The following NCOR2 variants were observed in gnomAD, a reference collection of about 807,000 sequenced individuals.
NCOR2 encodes CTG repeat protein 26.
A neutral mutation model predicts 262.9 loss-of-function variants in NCOR2; 81 were observed. The observed-to-expected ratio is 0.31, with a 90% confidence interval of 0.26 to 0.37. The LOEUF (loss-of-function observed/expected upper bound fraction) is 0.37, where lower values mean the gene tolerates loss of function less well. Ranked by LOEUF, NCOR2 falls within the 10% of genes least tolerant of loss-of-function variation. The pLI is 1.00. For missense variants in NCOR2, 3,385 were observed against 3,621.4 expected, an observed-to-expected ratio of 0.93 and a Z score of 1.68; for synonymous variants, 1,659 against 1,559.3, an observed-to-expected ratio of 1.06 and a Z score of -1.51.
chr12:124,453,260 G>A (rs369245529), intron 6 of NCOR2, among the ~76,000 whole-genome samples: 200 of 152,318 alleles, frequency 1.3e-3, no homozygotes, highest in African/African-American at 4.6e-3. Flanking sequence ...CACACAGGCT[G>A]GGGGGCATGG....
intron 21 of NCOR2, among the ~76,000 whole-genome samples, chr12:124,363,007 G>A (rs1853909984): frequency 6.6e-6 from 1 of 152,252 alleles, no homozygotes; most frequent in Non-Finnish European, 1.5e-5. Flanking sequence ...CCTGGTGGTG[G>A]ACAGGAGGCT....
chr12:124,401,210 CA>C (rs34583413), intron 14 of NCOR2, among the ~76,000 whole-genome samples: 255 of 133,100 alleles, frequency 1.9e-3, no homozygotes, highest in East Asian at 7.7e-3. Flanking sequence ...GACCCTGTCT[CA>C]AAAAAAAAAA....
intron 1 of NCOR2, among the ~76,000 whole-genome samples, chr12:124,551,577 T>C (rs1458162853): frequency 6.6e-6 from 1 of 152,206 alleles, no homozygotes. Flanking sequence ...TCGGCCGGCC[T>C]GGTCTCCCTC....
intron 6 of NCOR2, among the ~76,000 whole-genome samples, chr12:124,455,268 A>G (rs2045779903): frequency 6.6e-6 from 1 of 152,242 alleles, no homozygotes; most frequent in Non-Finnish European, 1.5e-5. Flanking sequence ...TTACAAAACA[A>G]AAAAACAAGC....
intron 41 of NCOR2, among the ~76,000 whole-genome samples, chr12:124,333,877 CGG>C (rs2035527667): frequency 1.1e-4 from 2 of 17,974 alleles, no homozygotes; most frequent in Non-Finnish European, 3.2e-4. Flanking sequence ...CGCATGTGTG[CGG>C]GTGTGCATGT....
Position 124,428,043 on chromosome 12 carries a change from C to CTGTGTG in NCOR2, c.1150-1244_1150-1243insCACACA, listed in dbSNP as rs1491282996. Among the ~76,000 whole-genome samples the CTGTGTG allele has an allele frequency of 3.8e-3, 154 of 41,064 alleles. 1 individual carries two copies. Among genetic ancestry groups the CTGTGTG allele is most frequent in the South Asian group, 7.7e-3 (9 of 1,174 alleles). The allele number at this position is 41,064 out of a possible 152,430, so 26.9% of individuals were successfully genotyped here. ...TCTGATGACTGCATTCCCATGTGGCCAGTGTGTGTGTGTGTGTGTGTGTGT... is the reference window on the plus strand; with the variant it reads ...TCTGATGACTGCATTCCCATGTGGCCTGTGTGAGTGTGTGTGTGTGTGTGTGTGTGT... On this transcript the variant is annotated intron_variant, in intron 10 of 46. Coordinates refer to ENST00000405201, the Ensembl canonical transcript of NCOR2.
chr12:124,501,062 G>GCA (rs3040848), intron 1 of NCOR2, among the ~76,000 whole-genome samples: 5,458 of 147,510 alleles, frequency 0.037, 103 homozygotes, highest in Non-Finnish European at 0.043. Flanking sequence ...GCGCACGCGC[G>GCA]CACACACACA....
chr12:124,371,092 G>A (rs1424561742), intron 20 of NCOR2, among the ~76,000 whole-genome samples: 3 of 152,182 alleles, frequency 2.0e-5, no homozygotes, highest in Non-Finnish European at 4.4e-5. Context: ...ATGGTTTCAT[G>A]GGTAAATCAC....
chr12:124,385,788 C>T lies in NCOR2; in HGVS notation c.1976G>A (p.Arg659Lys), dbSNP rs748505338. Residue 659 changes from arginine to lysine, a missense_variant, in exon 17 of 47, where the codon AGG (arginine) becomes AAG (lysine). Arg to Lys is a conservative substitution (Grantham distance 26, BLOSUM62 2). Coordinates refer to ENST00000405201, the Ensembl canonical transcript of NCOR2. Reference sequence around the variant, plus strand: ...CTGCAAGATCTCATCGAGGTTCTGCCTCTTCTTGTAGTTGAAGTAGAAGTT... The same window carrying T: ...CTGCAAGATCTCATCGAGGTTCTGCTTCTTCTTGTAGTTGAAGTAGAAGTT... 4.3e-6 allele frequency: 7 copies of T among 1,614,072 alleles called. No individual in the cohort carries two copies. The South Asian group carries it at 7.7e-5, about 18-fold the overall frequency.
exon 38 of NCOR2, chr12:124,337,127 G>A: frequency 6.6e-7 from 1 of 1,513,412 alleles, no homozygotes; most frequent in Non-Finnish European, 8.9e-7. Flanking sequence ...TGGGCAGTGG[G>A]TGGCAGGTGG....
rs377743759 is a variant in NCOR2 at position 124,436,183 on chromosome 12, G to A, written c.882+1747C>T. On this transcript the variant is annotated intron_variant, in intron 8 of 46. Coordinates refer to ENST00000405201, the Ensembl canonical transcript of NCOR2. Reference sequence around the variant, plus strand: ...ACTGGATCAGCTAACACCCTGTCCCGGCCCATTTCAGTTCAAGCAGGACTT... The same window carrying A: ...ACTGGATCAGCTAACACCCTGTCCCAGCCCATTTCAGTTCAAGCAGGACTT... Among the ~76,000 whole-genome samples, 371 of 152,298 alleles carry A rather than the reference G, an allele frequency of 2.4e-3. 3 individuals carry two copies. The highest frequency in any genetic ancestry group is 6.9e-3 in the African/African-American group (288 of 41,566).
In NCOR2 at chr12:124,391,510, G is replaced by C. The variant is rs532139138; in HGVS notation, c.1877-5623C>G. Among the ~76,000 whole-genome samples, 8 of 152,248 alleles carry C rather than the reference G, an allele frequency of 5.3e-5. No homozygotes were observed. The East Asian group carries it at 7.7e-4, about 15-fold the overall frequency. On this transcript the variant is annotated intron_variant, in intron 16 of 46. Transcript: ENST00000405201. Reference sequence around the variant, plus strand: ...GAAACCCCAAGCCCTGGCGGGGGGGGGGTTCCACAGGGACGGTGCCTCCGC... The same window carrying C: ...GAAACCCCAAGCCCTGGCGGGGGGGCGGTTCCACAGGGACGGTGCCTCCGC...
intron 16 of NCOR2, among the ~76,000 whole-genome samples, chr12:124,392,459 A>C (rs955984326): frequency 1.3e-5 from 2 of 152,086 alleles, no homozygotes; most frequent in African/African-American, 4.8e-5. Context: ...GCCCCGAGGC[A>C]CCGCACCGTC....
chr12:124,329,789 T>A (rs1360887124), intron 44 of NCOR2, among the ~76,000 whole-genome samples: 1 of 152,200 alleles, frequency 6.6e-6, no homozygotes, highest in East Asian at 1.9e-4. Context: ...GCATAAATCT[T>A]CACTGTACCA....
At chr12:124,499,095 A>G (rs1482578564), upstream of NCOR2, among the ~76,000 whole-genome samples, 2 of 152,250 alleles carry the variant, frequency 1.3e-5, no homozygotes, top group Non-Finnish European at 2.9e-5. Flanking sequence ...AGGGAAAAAA[A>G]TAAGCTTTGA....
chr12:124,516,986 G>A (rs1037446630), intron 1 of NCOR2, among the ~76,000 whole-genome samples: 1 of 152,170 alleles, frequency 6.6e-6, no homozygotes, highest in Non-Finnish European at 1.5e-5. Flanking sequence ...GAGACAGTAA[G>A]TGACTTGCCC....
At chr12:124,460,891 T>C (rs1344579605) in intron 5 of NCOR2, among the ~76,000 whole-genome samples, 3 of 152,218 alleles carry the variant, frequency 2.0e-5, no homozygotes, top group African/African-American at 7.2e-5. Flanking sequence ...TCTCCCTGGC[T>C]GCCCCTGGTC....
At chr12:124,542,228 G>A (rs962139967) in intron 1 of NCOR2, among the ~76,000 whole-genome samples, 11 of 152,020 alleles carry the variant, frequency 7.2e-5, no homozygotes, top group African/African-American at 2.7e-4. Flanking sequence ...ACAGGAACAG[G>A]GCGGGCCATT....
At position 124,446,230 on chromosome 12, in the gene NCOR2, G is replaced by GC. The variant is rs144288175; in HGVS notation, c.815+3584dup. The stretch of plus-strand genomic sequence containing the variant: ...CTTGCAAACCTCCCAGTGACAGGGT[G>GC]CTCACTACCTACCTCGGCAGCTCCT... On this transcript the variant is annotated intron_variant, in intron 7 of 46. Coordinates refer to ENST00000405201, the Ensembl canonical transcript of NCOR2. 4.9e-3 allele frequency among the ~76,000 whole-genome samples: 745 copies of GC among 152,294 alleles called. 8 individuals are homozygous for GC. The highest frequency in any genetic ancestry group is 0.017 in the African/African-American group (717 of 41,550).
Sources: allele counts gnomAD v4.1 joint callset (sites outside exome capture counted in the v4.1 genomes callset), GRCh38; gene constraint gnomAD v4.1.1; transcripts MANE v1.5; gene names NCBI Gene and HGNC (gene_info 2026-07-23, HGNC 2026-07-21).